Variants in FAF1 observed in about 807,000 individuals in gnomAD.
The protein encoded by FAF1 is FAS-associated factor 1.
A neutral mutation model predicts 92.5 loss-of-function variants in FAF1; 25 were observed. That is an observed-to-expected ratio of 0.27 (90% confidence interval 0.20 to 0.38). The LOEUF (loss-of-function observed/expected upper bound fraction) is 0.38, where lower values mean the gene tolerates loss of function less well. Ranked by LOEUF, FAF1 falls within the 10% of genes least tolerant of loss-of-function variation. FAF1 has a pLI of 1.00. For missense variants in FAF1, 636 were observed against 793.3 expected (o/e 0.80, Z 2.38); for synonymous variants, 234 against 273.2 (o/e 0.86, Z 1.42).
chr1:50,778,760 C>A (rs185542476), intron 4 of FAF1, among the ~76,000 whole-genome samples: 2 of 152,090 alleles, frequency 1.3e-5, no homozygotes, highest in East Asian at 3.9e-4. Flanking sequence ...TTCAAGGCCA[C>A]AGTAAACTAA....
At chr1:50,471,090 G>C (rs1646566167) in intron 18 of FAF1, 1 of 152,172 alleles carries the variant, frequency 6.6e-6, no homozygotes, top group Non-Finnish European at 1.5e-5. Context: ...AACAAGAGCG[G>C]TTGCACAGCA....
intron 17 of FAF1, among the ~76,000 whole-genome samples, chr1:50,476,883 C>T (rs1646645026): frequency 6.6e-6 from 1 of 151,988 alleles, no homozygotes; most frequent in Non-Finnish European, 1.5e-5. Flanking sequence ...TATAACTAGT[C>T]AGCTTATAAG....
At chr1:50,541,425 T>C (rs972670401) in intron 13 of FAF1, among the ~76,000 whole-genome samples, 1 of 152,176 alleles carries the variant, frequency 6.6e-6, no homozygotes, top group African/African-American at 2.4e-5. Context: ...TAACCTTCTA[T>C]GCCAAATTTC....
intron 7 of FAF1, among the ~76,000 whole-genome samples, chr1:50,683,439 A>G (rs1656513082): frequency 6.6e-6 from 1 of 151,810 alleles, no homozygotes. Context: ...AGGTGGGAGA[A>G]TCCCTTGAAC....
chr1:50,795,781 T>C (rs1257204926), intron 3 of FAF1, among the ~76,000 whole-genome samples: 6 of 152,120 alleles, frequency 3.9e-5, no homozygotes, highest in South Asian at 2.1e-4. Flanking sequence ...TTCCATTGAA[T>C]TGGAACTTGA....
At chr1:50,553,539 G>GT (rs1170475281) in intron 13 of FAF1, among the ~76,000 whole-genome samples, 1 of 152,138 alleles carries the variant, frequency 6.6e-6, no homozygotes, top group East Asian at 1.9e-4. Context: ...AAACAATGGG[G>GT]TTTTAGATGA....
chr1:50,557,134 C>T (rs1404802874), intron 13 of FAF1, among the ~76,000 whole-genome samples: 1 of 152,136 alleles, frequency 6.6e-6, no homozygotes, highest in Non-Finnish European at 1.5e-5. Flanking sequence ...TTTCACATAA[C>T]CTTGCCTCAT....
chr1:50,887,892 T>C (rs930133609), intron 1 of FAF1, among the ~76,000 whole-genome samples: 1 of 152,222 alleles, frequency 6.6e-6, no homozygotes, highest in African/African-American at 2.4e-5. Flanking sequence ...AACTTTAAAG[T>C]AGTTTTCTCC....
intron 8 of FAF1, among the ~76,000 whole-genome samples, chr1:50,598,649 T>C (rs780669019): frequency 2.6e-5 from 4 of 152,098 alleles, no homozygotes; most frequent in Non-Finnish European, 5.9e-5. Flanking sequence ...AAACAGTATT[T>C]AGTGTTAAGA....
chr1:50,918,692 C>A (rs1644939615), intron 1 of FAF1, among the ~76,000 whole-genome samples: 1 of 93,624 alleles, frequency 1.1e-5, no homozygotes, highest in Non-Finnish European at 2.1e-5. Context: ...ATTTATAGTC[C>A]TTTGGGTATA....
At chr1:50,807,267 A>T (rs1662241946) in intron 2 of FAF1, among the ~76,000 whole-genome samples, 1 of 152,242 alleles carries the variant, frequency 6.6e-6, no homozygotes, top group African/African-American at 2.4e-5. Context: ...TCTCACACTG[A>T]TATAAAGAAT....
intron 8 of FAF1, among the ~76,000 whole-genome samples, chr1:50,600,414 T>A (rs1215424284): frequency 6.6e-6 from 1 of 152,156 alleles, no homozygotes; most frequent in East Asian, 1.9e-4. Context: ...GACCAATGTA[T>A]CTTACTGTGA....
At chr1:50,771,231 T>A (rs1660766096) in intron 4 of FAF1, among the ~76,000 whole-genome samples, 3 of 151,874 alleles carry the variant, frequency 2.0e-5, no homozygotes, top group South Asian at 4.2e-4. Flanking sequence ...GCAATTCCAA[T>A]AAAAACAAAA....
chr1:50,950,010 T>C (rs1645201937), intron 1 of FAF1, among the ~76,000 whole-genome samples: 1 of 152,072 alleles, frequency 6.6e-6, no homozygotes, highest in South Asian at 2.1e-4. Flanking sequence ...AAAAAAAAAT[T>C]TATTTTTTTT....
intron 7 of FAF1, among the ~76,000 whole-genome samples, chr1:50,667,681 C>T (rs1409984378): frequency 6.6e-6 from 1 of 152,138 alleles, no homozygotes; most frequent in Non-Finnish European, 1.5e-5. Context: ...AGCTACTTGC[C>T]TAAATGTCAT....
In FAF1 at chr1:50,872,064, CAAAAAAAAA is replaced by C. The variant is rs200142842; in HGVS notation, c.46-14076_46-14068del. 4.4e-3 allele frequency among the ~76,000 whole-genome samples: 287 copies of C among 65,544 alleles called. 2 individuals carry two copies. Among genetic ancestry groups the C allele is most frequent in the African/African-American group, 0.014 (271 of 19,318 alleles). The allele number at this position is 65,544 out of a possible 152,430, so 43.0% of individuals were successfully genotyped here. ...TGGGCAACAGAGCCAGACTCCATCT[CAAAAAAAAA>C]AAAAAAAAAGAAAAAGAAAATACAT... On this transcript the variant is annotated intron_variant, in intron 1 of 18. Coordinates refer to ENST00000396153, the MANE Select transcript of FAF1 (RefSeq NM_007051.3).
intron 1 of FAF1, among the ~76,000 whole-genome samples, chr1:50,930,314 G>A (rs1206654927): frequency 6.6e-6 from 1 of 152,138 alleles, no homozygotes; most frequent in African/African-American, 2.4e-5. Flanking sequence ...AAGTAGGTGT[G>A]TTTATACAGC....
At chr1:50,865,901 C>A (rs1255830230) in intron 1 of FAF1, among the ~76,000 whole-genome samples, 1 of 142,998 alleles carries the variant, frequency 7.0e-6, no homozygotes, top group Non-Finnish European at 1.6e-5. Context: ...CCGAGATTAA[C>A]CAAAAGAAAA....
intron 6 of FAF1, among the ~76,000 whole-genome samples, chr1:50,734,268 T>G (rs796528047): frequency 2.6e-5 from 4 of 152,350 alleles, no homozygotes; most frequent in African/African-American, 9.6e-5. Context: ...TCTTCATTTC[T>G]TGTTTATCCA....
Sources: gnomAD v4.1 joint callset for allele counts (sites outside exome capture counted in the v4.1 genomes callset) on GRCh38, gnomAD v4.1.1 for gene constraint, MANE v1.5 for transcripts, NCBI Gene and HGNC (gene_info 2026-07-23, HGNC 2026-07-21) for gene names.